Variants in MCC observed in about 807,000 individuals in gnomAD.
MCC encodes the protein colorectal mutant cancer protein.
A neutral mutation model predicts 116.2 loss-of-function variants in MCC; 90 were observed. That is an observed-to-expected ratio of 0.77 (90% CI 0.65 to 0.92). The LOEUF is 0.92. Ranked by LOEUF, MCC falls within the 40% of genes least tolerant of loss-of-function variation. The pLI is 0.00. For missense variants in MCC, 1,516 were observed against 1,312.2 expected (o/e 1.16, Z -2.40); for synonymous variants, 578 against 510.5 (o/e 1.13, Z -1.78).
At chr5:113,202,884 A>G (rs1762746910) in intron 3 of MCC, among the ~76,000 whole-genome samples, 1 of 151,952 alleles carries the variant, frequency 6.6e-6, no homozygotes, top group Admixed American at 6.6e-5. Flanking sequence ...CATATTCTCA[A>G]CCCTGTTTTT....
rs1766638395 is a variant in MCC, at chr5:113,294,399, G to C, written c.627+46120C>G. The C allele has an allele frequency of 3.1e-6, 5 of 1,613,166 alleles. No individual in the cohort carries two copies. The East Asian group carries it at 6.7e-5, about 22-fold the overall frequency. Reference sequence around the variant, plus strand: ...TCCGGAATTCATGATGCACTTTTCAGAGCTGGGCTCTCAGTCCCCCAGGTC... The same window carrying C: ...TCCGGAATTCATGATGCACTTTTCACAGCTGGGCTCTCAGTCCCCCAGGTC... On this transcript the variant is annotated intron_variant, in intron 3 of 18. Coordinates refer to ENST00000408903, the MANE Select transcript of MCC (RefSeq NM_001085377.2).
intron 14 of MCC, among the ~76,000 whole-genome samples, chr5:113,062,752 G>C (rs560410777): frequency 6.6e-6 from 1 of 152,312 alleles, no homozygotes; most frequent in South Asian, 2.1e-4. Context: ...CCTTTTGTTT[G>C]TGGGCACCTG....
intron 17 of MCC, among the ~76,000 whole-genome samples, chr5:113,036,580 T>C (rs905814126): frequency 2.0e-5 from 3 of 152,066 alleles, no homozygotes; most frequent in African/African-American, 7.2e-5. Flanking sequence ...TTGCCAGGAG[T>C]AGCAGCACAA....
At chr5:113,098,321 C>G (rs759219905) in intron 8 of MCC, among the ~76,000 whole-genome samples, 6 of 152,208 alleles carry the variant, frequency 3.9e-5, no homozygotes, top group Non-Finnish European at 7.3e-5. Flanking sequence ...CACCACTTGA[C>G]ATAAACCTTG....
intron 13 of MCC, among the ~76,000 whole-genome samples, chr5:113,065,905 A>T (rs1753569557): frequency 6.6e-6 from 1 of 152,192 alleles, no homozygotes; most frequent in South Asian, 2.1e-4. Context: ...TACTATGGAG[A>T]GTGGGCAGGA....
intron 3 of MCC, among the ~76,000 whole-genome samples, chr5:113,266,269 A>G (rs553198800): frequency 6.6e-6 from 1 of 151,824 alleles, no homozygotes; most frequent in African/African-American, 2.4e-5. Flanking sequence ...ACACAAAACC[A>G]TTATCACCAG....
At chr5:113,160,679 C>T (rs957622867) in intron 3 of MCC, among the ~76,000 whole-genome samples, 1 of 152,184 alleles carries the variant, frequency 6.6e-6, no homozygotes. Flanking sequence ...GAAGAAAGAT[C>T]TCAGAGGGTT....
intron 17 of MCC, 51 bp from the exon 18 acceptor site, chr5:113,029,107 A>T: frequency 1.3e-6 from 2 of 1,548,764 alleles, no homozygotes; most frequent in Non-Finnish European, 1.8e-6. Context: ...ATGATGCTGG[A>T]GGTGCCCACT....
At chr5:113,302,194 A>G (rs1032927775) in intron 3 of MCC, among the ~76,000 whole-genome samples, 2 of 152,256 alleles carry the variant, frequency 1.3e-5, no homozygotes, top group African/African-American at 4.8e-5. Flanking sequence ...GATGGAAGAA[A>G]ACATTACCAC....
At position 113,352,288 on chromosome 5, in the gene MCC, C is replaced by T. The variant is rs532710833; in HGVS notation, c.416-11558G>A. Among the ~76,000 whole-genome samples the T allele has an allele frequency of 1.2e-4, 19 of 152,244 alleles. No individual in the cohort carries two copies. In the South Asian group the frequency reaches 3.7e-3, roughly 30 times the overall value. On this transcript the variant is annotated intron_variant, in intron 2 of 18. Transcript: ENST00000408903. Reference sequence around the variant, plus strand: ...GTCTGGTAACCATCTTCCTTTTGCCCTTTGAAGCATGATGGTACCTGATGG... The same window carrying T: ...GTCTGGTAACCATCTTCCTTTTGCCTTTTGAAGCATGATGGTACCTGATGG...
intron 1 of MCC, among the ~76,000 whole-genome samples, chr5:113,466,435 T>C (rs1415181370): frequency 6.6e-6 from 1 of 150,932 alleles, no homozygotes; most frequent in Non-Finnish European, 1.5e-5. Flanking sequence ...CATGTGGTGT[T>C]TGGTTTTTTG....
intron 3 of MCC, among the ~76,000 whole-genome samples, chr5:113,292,136 G>T (rs935962018): frequency 6.6e-6 from 1 of 152,130 alleles, no homozygotes; most frequent in Non-Finnish European, 1.5e-5. Context: ...GGAGACTGAG[G>T]TAAGAGAATC....
At chr5:113,395,688 ACTT>A (rs1394359989) in intron 1 of MCC, among the ~76,000 whole-genome samples, 6 of 152,278 alleles carry the variant, frequency 3.9e-5, no homozygotes, top group South Asian at 4.2e-4. Context: ...GGCAAAATAA[ACTT>A]CTAAATTGAT....
At chr5:113,080,202 G>A (rs973478794) in intron 11 of MCC, among the ~76,000 whole-genome samples, 3 of 152,242 alleles carry the variant, frequency 2.0e-5, no homozygotes, top group Non-Finnish European at 4.4e-5. Flanking sequence ...TACACTGTTG[G>A]TGGGACTGTA....
intron 3 of MCC, among the ~76,000 whole-genome samples, chr5:113,205,822 T>C (rs537680360): frequency 8.5e-5 from 13 of 152,336 alleles, no homozygotes; most frequent in Non-Finnish European, 1.3e-4. Context: ...CCAAGTAAGA[T>C]GACTGAAGCC....
At position 113,185,195 on chromosome 5, in the gene MCC, C is replaced by T. The variant is rs570748904; in HGVS notation, c.628-33773G>A. Reference sequence around the variant, plus strand: ...TGGATCCTGACTATCTAAGCTGTCTCTAACATGAGGTCCCAATTCTCTAGT... The same window carrying T: ...TGGATCCTGACTATCTAAGCTGTCTTTAACATGAGGTCCCAATTCTCTAGT... On this transcript the variant is annotated intron_variant, in intron 3 of 18. Transcript: ENST00000408903. Among the ~76,000 whole-genome samples, 8 of 152,250 alleles carry T rather than the reference C, an allele frequency of 5.3e-5. 1 individual carries two copies. The South Asian group carries it at 1.7e-3, about 32-fold the overall frequency.
chr5:113,145,737 TACACACACACACACAC>T (rs558608537), intron 4 of MCC, among the ~76,000 whole-genome samples: 17 of 123,530 alleles, frequency 1.4e-4, no homozygotes, highest in South Asian at 2.8e-4. Context: ...TAAACTTGCT[TACACACACACACACAC>T]ACACACACAC....
chr5:113,114,137 T>C (rs918541091), intron 6 of MCC, among the ~76,000 whole-genome samples: 2 of 151,616 alleles, frequency 1.3e-5, no homozygotes, highest in African/African-American at 2.4e-5. Context: ...GAGAAAAAAA[T>C]CAAAATGTGG....
intron 6 of MCC, among the ~76,000 whole-genome samples, chr5:113,119,702 G>GAAAA (rs549603247): frequency 5.8e-4 from 84 of 143,976 alleles, no homozygotes; most frequent in African/African-American, 2.1e-3. Flanking sequence ...CTGACTAAAT[G>GAAAA]AAAAAAAAAA....
Sources: gnomAD v4.1 joint callset for allele counts (sites outside exome capture counted in the v4.1 genomes callset) on GRCh38, gnomAD v4.1.1 for gene constraint, MANE v1.5 for transcripts, NCBI Gene and HGNC (gene_info 2026-07-23, HGNC 2026-07-21) for gene names.